SI: variants seen among roughly 807,000 people sequenced by gnomAD.
The protein encoded by SI is sucrase-isomaltase, intestinal.
Under a neutral mutation model 253.3 loss-of-function variants are expected in SI, and 235 were observed. The observed-to-expected ratio is 0.93, with a 90% CI of 0.83 to 1.03. The LOEUF (loss-of-function observed/expected upper bound fraction) is 1.03. SI is among the 50% of genes least tolerant of loss of function. The probability of loss-of-function intolerance (pLI) is 0.00; values close to 1 mark genes in which losing one functional copy is unlikely to be tolerated. For synonymous variants in SI, 819 were observed against 712.0 expected (o/e 1.15, Z -2.39); for missense variants, 2,442 against 2,211.1 (o/e 1.10, Z -2.09).
At chr3:165,004,499 T>G (rs1384185015) in intron 37 of SI, among the ~76,000 whole-genome samples, 2 of 152,154 alleles carry the variant, frequency 1.3e-5, no homozygotes, top group Non-Finnish European at 2.9e-5. Context: ...CTCCCATGTT[T>G]ATTGCAGCAC....
chr3:165,032,499 A>T, intron 24 of SI, 23 bp downstream of exon 24: 1 of 1,512,156 alleles, frequency 6.6e-7, no homozygotes, highest in Middle Eastern at 1.7e-4. Context: ...GATAGCTAAA[A>T]TATTTTAAAA....
chr3:164,983,054 G>C lies in SI; in HGVS notation c.5198-3C>G. 1.3e-6 allele frequency: 2 copies of C among 1,542,970 alleles called. No homozygotes were observed. Among genetic ancestry groups the C allele is most frequent in the Non-Finnish European group, 8.9e-7 (1 of 1,123,810 alleles). On this transcript the variant is annotated splice_region_variant and splice_polypyrimidine_tract_variant and intron_variant, in intron 45 of 47. Coordinates refer to ENST00000264382, the MANE Select transcript of SI (RefSeq NM_001041.4). ...ATATAGGTCTCTTTCATAGGTGTCTGTAGAGAGAGAAAAAAAATGTGATAT... is the reference window on the plus strand; with the variant it reads ...ATATAGGTCTCTTTCATAGGTGTCTCTAGAGAGAGAAAAAAAATGTGATAT...
chr3:165,070,513 C>G (rs1411335738), intron 3 of SI, among the ~76,000 whole-genome samples: 1 of 151,072 alleles, frequency 6.6e-6, no homozygotes, highest in East Asian at 1.9e-4. Context: ...AATTTTATCT[C>G]CAGTTATCTA....
At chr3:165,040,854 T>A in intron 18 of SI, 86 bp downstream of exon 18, 2 of 1,077,592 alleles carry the variant, frequency 1.9e-6, no homozygotes, top group Non-Finnish European at 2.8e-6. Flanking sequence ...TTAATTGATA[T>A]CTTGATTTAC....
Position 165,037,966 on chromosome 3 carries a change from A to G in SI, c.2360T>C (p.Ile787Thr), listed in dbSNP as rs765385858. Residue 787 changes from isoleucine (I) to threonine (T), a missense_variant, in exon 21 of 48, where the codon ATA becomes ACA. By Grantham distance (89) the Ile-to-Thr change is moderately conservative. Transcript: ENST00000264382. ...ATAACCTCCTCTAAGATGTAATCCT[A>G]TTTTGTCTGCTGGAAGATACATATC... ...RVDMYLPADKIGLHLRGGYII... is the reference protein window; with the variant it reads ...RVDMYLPADKTGLHLRGGYII... 3.1e-6 allele frequency: 5 copies of G among 1,611,586 alleles called. No homozygotes were observed. The highest frequency in any genetic ancestry group is 1.7e-6 in the Non-Finnish European group (2 of 1,178,412).
rs1717065957 is a variant in SI at position 164,979,314 on chromosome 3, T to C, written c.*48A>G. ...GGAAAATTGTAAGTGCTGTGAAACTTAAATCCTGGTGTTTTTTCCCATTGA... is the reference window on the plus strand; with the variant it reads ...GGAAAATTGTAAGTGCTGTGAAACTCAAATCCTGGTGTTTTTTCCCATTGA... On this transcript the variant is annotated 3_prime_UTR_variant, in exon 48 of 48. Coordinates refer to ENST00000264382, the MANE Select transcript of SI (RefSeq NM_001041.4). The C allele has an allele frequency of 9.1e-7, 1 of 1,103,418 alleles. No individual in the cohort carries two copies. The highest frequency in any genetic ancestry group is 1.4e-6 in the Non-Finnish European group (1 of 718,452). 68.4% of individuals were successfully genotyped at this position (1,103,418 alleles called of 1,614,324 possible).
At chr3:165,032,986 A>G (rs1268146820) in intron 23 of SI, among the ~76,000 whole-genome samples, 1 of 151,530 alleles carries the variant, frequency 6.6e-6, no homozygotes, top group East Asian at 1.9e-4. Context: ...AGAAGAATGT[A>G]TGAAAAAACC....
At chr3:164,981,724 G>A (rs1394154376) in intron 47 of SI, among the ~76,000 whole-genome samples, 2 of 152,004 alleles carry the variant, frequency 1.3e-5, no homozygotes, top group Non-Finnish European at 2.9e-5. Flanking sequence ...CTATTCAATT[G>A]GATAGAATAA....
chr3:164,989,440 A>G lies in SI; in HGVS notation c.5108+1913T>C, dbSNP rs918313295. On this transcript the variant is annotated intron_variant, in intron 44 of 47. Coordinates refer to ENST00000264382, the MANE Select transcript of SI (RefSeq NM_001041.4). ...AGAAAGAAAGAAAGAAAGAAAGGAA[A>G]GAAAGAAGAGAGGAGAGGAGAGGAG... 6.5e-4 allele frequency among the ~76,000 whole-genome samples: 95 copies of G among 145,964 alleles called. 1 individual carries two copies. The highest frequency in any genetic ancestry group is 6.2e-3 in the South Asian group (27 of 4,380).
intron 33 of SI, 51 bp from the exon 34 acceptor site, chr3:165,013,093 A>G (rs1332755346): frequency 7.2e-6 from 8 of 1,107,434 alleles, no homozygotes; most frequent in Non-Finnish European, 9.8e-6. Flanking sequence ...TCAGCATGAT[A>G]TGATTGCTAT....
At chr3:164,996,513 A>C (rs773712567) in intron 40 of SI, 22 bp downstream of exon 40, 2 of 1,221,482 alleles carry the variant, frequency 1.6e-6, no homozygotes. Context: ...AAATACTGAA[A>C]GTAAATGTAG....
At chr3:165,053,704 T>C (rs1357386225) in intron 13 of SI, among the ~76,000 whole-genome samples, 1 of 152,130 alleles carries the variant, frequency 6.6e-6, no homozygotes, top group African/African-American at 2.4e-5. Flanking sequence ...ATGCAAGAAA[T>C]GCAACACTCT....
At chr3:165,055,134 T>G in intron 13 of SI, 60 bp downstream of exon 13, 1 of 970,010 alleles carries the variant, frequency 1.0e-6, no homozygotes. Context: ...TTAGTAATTT[T>G]TACAGATAAA....
chr3:165,013,883 T>C (rs1227872468), intron 33 of SI, among the ~76,000 whole-genome samples: 1 of 152,052 alleles, frequency 6.6e-6, no homozygotes, highest in Non-Finnish European at 1.5e-5. Flanking sequence ...TGCACCACCA[T>C]GCCTAGCTAA....
chr3:165,048,670 T>G (rs1210628392), intron 15 of SI, among the ~76,000 whole-genome samples: 2 of 151,112 alleles, frequency 1.3e-5, no homozygotes, highest in African/African-American at 4.9e-5. Flanking sequence ...CAGGCTGGAG[T>G]GCAGTGGCAT....
chr3:165,024,911 A>G (rs1711825194), intron 25 of SI, among the ~76,000 whole-genome samples: 1 of 151,242 alleles, frequency 6.6e-6, no homozygotes, highest in Non-Finnish European at 1.5e-5. Flanking sequence ...TGTTAAAGTT[A>G]CCAAAGACTT....
intron 12 of SI, among the ~76,000 whole-genome samples, chr3:165,057,715 A>G (rs1378810157): frequency 6.6e-6 from 1 of 151,914 alleles, no homozygotes; most frequent in South Asian, 2.1e-4. Context: ...AAAAAAAAAA[A>G]AACTTTTATC....
At chr3:164,990,712 A>AC (rs1312841055) in intron 44 of SI, among the ~76,000 whole-genome samples, 1 of 152,138 alleles carries the variant, frequency 6.6e-6, no homozygotes, top group African/African-American at 2.4e-5. Flanking sequence ...ACACATGGAC[A>AC]CAGGAAGGGG....
intron 13 of SI, among the ~76,000 whole-genome samples, chr3:165,053,326 A>G (rs955404574): frequency 2.6e-5 from 4 of 152,168 alleles, no homozygotes; most frequent in Non-Finnish European, 5.9e-5. Context: ...AAATCTAGTA[A>G]ATTATAAAAC....
Sources: gnomAD v4.1 joint callset for allele counts (sites outside exome capture counted in the v4.1 genomes callset) on GRCh38, gnomAD v4.1.1 for gene constraint, MANE v1.5 for transcripts, NCBI Gene and HGNC (gene_info 2026-07-23, HGNC 2026-07-21) for gene names.